OARD1: variants seen among roughly 807,000 people sequenced by gnomAD.
OARD1 encodes the protein O-acyl-ADP-ribose deacylase 1.
Under a neutral mutation model 19.7 loss-of-function variants are expected in OARD1, and 19 were observed. The ratio of observed to expected loss-of-function variants is 0.96; its 90% CI spans 0.67 to 1.41. The LOEUF (loss-of-function observed/expected upper bound fraction) is 1.41. Among genes scored for constraint, OARD1 ranks in the 40% most tolerant of loss-of-function variants. The probability of loss-of-function intolerance (pLI) is 0.00; values close to 1 mark genes in which losing one functional copy is unlikely to be tolerated. For missense variants in OARD1, 190 were observed against 183.8 expected, an observed-to-expected ratio of 1.03 and a Z score of -0.20; for synonymous variants, 70 against 61.8, an observed-to-expected ratio of 1.13 and a Z score of -0.62.
chr6:41,078,438 G>C (rs2294694), intron 1 of OARD1, among the ~76,000 whole-genome samples: 1 of 151,858 alleles, frequency 6.6e-6, no homozygotes, highest in Non-Finnish European at 1.5e-5. Context: ...TTATATATCT[G>C]TCCTCCCTCC....
chr6:41,094,164 T>TA (rs1161487682), intron 1 of OARD1, among the ~76,000 whole-genome samples: 209 of 152,152 alleles, frequency 1.4e-3, no homozygotes, highest in African/African-American at 4.2e-3. Context: ...TTATTTTTTT[T>TA]AAAAAAAATT....
At chr6:41,084,273 T>G in intron 1 of OARD1, 1 of 1,473,424 alleles carries the variant, frequency 6.8e-7, no homozygotes, top group South Asian at 1.3e-5. Context: ...ATTTGATAAT[T>G]GATATTGCAT....
upstream of OARD1, among the ~76,000 whole-genome samples, chr6:41,074,112 T>G (rs1333480097): frequency 6.6e-6 from 1 of 152,236 alleles, no homozygotes; most frequent in Non-Finnish European, 1.5e-5. Context: ...TGGGGGTTTT[T>G]TTTCCCTTTG....
upstream of OARD1, among the ~76,000 whole-genome samples, chr6:41,075,890 C>A (rs1376881502): frequency 6.6e-6 from 1 of 152,150 alleles, no homozygotes; most frequent in African/African-American, 2.4e-5. Flanking sequence ...TCAGAGATTT[C>A]TTTTTATTTT....
At chr6:41,086,015 A>T (rs1764033769) in intron 1 of OARD1, among the ~76,000 whole-genome samples, 1 of 152,166 alleles carries the variant, frequency 6.6e-6, no homozygotes, top group Non-Finnish European at 1.5e-5. Flanking sequence ...TAGTTTTCAC[A>T]TTTCTCTTTG....
intron 1 of OARD1, among the ~76,000 whole-genome samples, chr6:41,089,054 C>T (rs978597275): frequency 3.3e-5 from 5 of 151,944 alleles, no homozygotes; most frequent in East Asian, 1.9e-4. Flanking sequence ...GGCGTGATCT[C>T]GGCTCACTGC....
intron 1 of OARD1, among the ~76,000 whole-genome samples, chr6:41,086,306 T>A (rs1764042670): frequency 6.6e-6 from 1 of 152,206 alleles, no homozygotes; most frequent in African/African-American, 2.4e-5. Context: ...TTATATGAGA[T>A]GATATCTAGG....
intron 4 of OARD1, chr6:41,069,623 G>A (rs777536046): frequency 6.2e-5 from 13 of 208,526 alleles, no homozygotes; most frequent in Non-Finnish European, 1.1e-4. Flanking sequence ...GTAGTTAGGA[G>A]AGGAGCTAAG....
At chr6:41,071,350 G>GT (rs1763374254) in intron 2 of OARD1, 74 bp from the exon 3 acceptor site, 1 of 1,459,242 alleles carries the variant, frequency 6.9e-7, no homozygotes, top group Non-Finnish European at 9.5e-7. Context: ...TCTGTATTTT[G>GT]TGTCCCCCAC....
intron 1 of OARD1, among the ~76,000 whole-genome samples, chr6:41,095,981 T>G (rs1582039075): frequency 6.6e-6 from 1 of 152,222 alleles, no homozygotes; most frequent in Non-Finnish European, 1.5e-5. Context: ...GATACTCCAT[T>G]CTATATTAAC....
intron 1 of OARD1, among the ~76,000 whole-genome samples, chr6:41,085,700 T>C (rs1764026492): frequency 6.6e-6 from 1 of 152,158 alleles, no homozygotes. Context: ...TTTTGTGTTT[T>C]TATGCATAAT....
rs572497000 is a variant in OARD1, at chr6:41,085,410, G to C, written c.-42+12303C>G. ...ATTAAAAGAAATGAACTGTTGACTT[G>C]GGGTGGGTTAATATTGAAATATTTT... is the stretch of plus-strand genomic sequence containing the variant. On this transcript the variant is annotated intron_variant, in intron 1 of 4. Coordinates refer to the OARD1 transcript ENST00000480585. Among the ~76,000 whole-genome samples the C allele has an allele frequency of 5.9e-5, 9 of 152,244 alleles. No individual in the cohort carries two copies. The East Asian group carries it at 1.7e-3, about 29-fold the overall frequency.
chr6:41,080,258 T>C (rs1256490440), intron 1 of OARD1, among the ~76,000 whole-genome samples: 1 of 152,028 alleles, frequency 6.6e-6, no homozygotes, highest in Non-Finnish European at 1.5e-5. Flanking sequence ...AAGACCAGCC[T>C]GGGCAAAACA....
rs931501490 is a variant in OARD1, at chr6:41,066,981, T to G, written c.*354A>C. The G allele has an allele frequency of 6.3e-6, 1 of 158,404 alleles. No homozygotes were observed. Among genetic ancestry groups the G allele is most frequent in the African/African-American group, 2.4e-5 (1 of 41,718 alleles). The allele number at this position is 158,404 out of a possible 1,614,324, so 9.8% of individuals were successfully genotyped here. On this transcript the variant is annotated 3_prime_UTR_variant, in exon 6 of 6. Transcript: ENST00000424266. ...ACTGGAATGATCATCCTTCCTGAAA[T>G]TTCTCTTAAAAAGCAGAGAAGTAGA...
upstream of OARD1, chr6:41,075,295 CCTT>C (rs1486994256): frequency 6.6e-6 from 1 of 152,228 alleles, no homozygotes; most frequent in African/African-American, 2.4e-5. Context: ...AGCCATCCTC[CCTT>C]CTTGTTCTCC....
intron 1 of OARD1, among the ~76,000 whole-genome samples, chr6:41,090,762 A>G (rs1237034851): frequency 6.6e-6 from 1 of 152,240 alleles, no homozygotes; most frequent in Non-Finnish European, 1.5e-5. Flanking sequence ...AGACGTGAAC[A>G]AATAAATACA....
chr6:41,088,454 A>G (rs1253364579), intron 1 of OARD1, among the ~76,000 whole-genome samples: 1 of 148,954 alleles, frequency 6.7e-6, no homozygotes, highest in Non-Finnish European at 1.5e-5. Flanking sequence ...AATTTATTTT[A>G]TAGTTTCTGT....
At chr6:41,081,615 G>A (rs1763908139) in intron 1 of OARD1, among the ~76,000 whole-genome samples, 1 of 152,168 alleles carries the variant, frequency 6.6e-6, no homozygotes. Flanking sequence ...ACATAAACTA[G>A]GCTAGGCTGT....
intron 1 of OARD1, among the ~76,000 whole-genome samples, chr6:41,094,902 T>TAA (rs1764306087): frequency 6.6e-6 from 1 of 152,248 alleles, no homozygotes; most frequent in Non-Finnish European, 1.5e-5. Flanking sequence ...ACACTTTTCT[T>TAA]AATTTTCAAG....
Sources: allele counts gnomAD v4.1 joint callset (sites outside exome capture counted in the v4.1 genomes callset), GRCh38; gene constraint gnomAD v4.1.1; transcripts MANE v1.5; gene names NCBI Gene and HGNC (gene_info 2026-07-23, HGNC 2026-07-21).